The following CFAP299 variants were observed in gnomAD, a reference collection of about 807,000 sequenced individuals.
CFAP299 encodes cilia- and flagella-associated protein 299.
Under a neutral mutation model 27.0 loss-of-function variants are expected in CFAP299, and 21 were observed. That is an observed-to-expected ratio of 0.78 (90% confidence interval 0.55 to 1.12). The LOEUF is 1.12. CFAP299 is among the 50% of genes most tolerant of loss of function. The pLI, the probability that CFAP299 is intolerant of heterozygous loss-of-function variation, is 0.00. For synonymous variants in CFAP299, 104 were observed against 98.1 expected, an observed-to-expected ratio of 1.06 and a Z score of -0.36; for missense variants, 310 against 276.6, an observed-to-expected ratio of 1.12 and a Z score of -0.86.
upstream of CFAP299, among the ~76,000 whole-genome samples, chr4:80,331,441 G>A (rs979828726): frequency 5.3e-5 from 8 of 152,208 alleles, no homozygotes; most frequent in Non-Finnish European, 7.3e-5. Flanking sequence ...GAGGCCAGAA[G>A]AGTATAGGGA....
chr4:80,324,989 G>A, the CFAP299 span, among the ~76,000 whole-genome samples: 3 of 152,152 alleles, frequency 2.0e-5, no homozygotes, highest in Non-Finnish European at 4.4e-5. Flanking sequence ...TGGGCATGGT[G>A]GCACGTGCCT....
intron 2 of CFAP299, among the ~76,000 whole-genome samples, chr4:80,521,701 A>G (rs1732919958): frequency 6.6e-6 from 1 of 152,040 alleles, no homozygotes; most frequent in Non-Finnish European, 1.5e-5. Context: ...AGAGAGTGGA[A>G]TCATACAATA....
chr4:80,376,800 GC>G (rs1266991881), intron 2 of CFAP299, among the ~76,000 whole-genome samples: 5 of 152,060 alleles, frequency 3.3e-5, no homozygotes, highest in Non-Finnish European at 5.9e-5. Flanking sequence ...AATTACAGGT[GC>G]CCGCCACCAC....
In CFAP299 at chr4:80,687,215, G is replaced by A. The variant is rs571658330; in HGVS notation, c.333+104032G>A. Among the ~76,000 whole-genome samples, 8 of 152,176 alleles carry A rather than the reference G, an allele frequency of 5.3e-5. No homozygotes were observed. The South Asian group carries it at 1.2e-3, about 24-fold the overall frequency. On this transcript the variant is annotated intron_variant, in intron 3 of 5. Coordinates refer to ENST00000358105, the MANE Select transcript of CFAP299 (RefSeq NM_152770.3). ...TCTCAATTCAACTTCCCTGGAATGTGCTTCTCTCTTCTTTCTGTTTATTAA... is the reference window on the plus strand; with the variant it reads ...TCTCAATTCAACTTCCCTGGAATGTACTTCTCTCTTCTTTCTGTTTATTAA...
intron 4 of CFAP299, among the ~76,000 whole-genome samples, chr4:80,908,196 G>A (rs551640992): frequency 4.8e-4 from 73 of 152,166 alleles, no homozygotes; most frequent in Non-Finnish European, 8.5e-4. Context: ...AAGTTAGAGC[G>A]TGTGTAATGC....
intron 2 of CFAP299, among the ~76,000 whole-genome samples, chr4:80,415,938 T>C (rs944372508): frequency 1.3e-5 from 2 of 152,222 alleles, no homozygotes; most frequent in African/African-American, 2.4e-5. Context: ...TTCACAAAGC[T>C]ACAGAGCTAT....
At chr4:80,851,943 C>A (rs911744028) in intron 3 of CFAP299, among the ~76,000 whole-genome samples, 1 of 151,938 alleles carries the variant, frequency 6.6e-6, no homozygotes, top group Non-Finnish European at 1.5e-5. Context: ...TATTGATCTG[C>A]GATTGTACTA....
intron 3 of CFAP299, among the ~76,000 whole-genome samples, chr4:80,768,097 G>A (rs1725998123): frequency 6.6e-6 from 1 of 152,164 alleles, no homozygotes. Flanking sequence ...TTTAACAAGT[G>A]CAGTCCAGAG....
At chr4:80,831,850 C>T (rs1399523096) in intron 3 of CFAP299, among the ~76,000 whole-genome samples, 1 of 152,118 alleles carries the variant, frequency 6.6e-6, no homozygotes, top group Admixed American at 6.6e-5. Context: ...CTTCATTGCT[C>T]ATCATTCCTG....
chr4:80,723,062 C>A (rs1722931984), intron 3 of CFAP299, among the ~76,000 whole-genome samples: 1 of 152,126 alleles, frequency 6.6e-6, no homozygotes, highest in Non-Finnish European at 1.5e-5. Flanking sequence ...TACTACATTT[C>A]TATTAAAAAG....
rs772472490 is a variant in CFAP299 at position 80,870,074 on chromosome 4, G to A, written c.415G>A (p.Glu139Lys). The change falls in exon 4 of 6, where the codon GAA becomes AAA. Residue 139 changes from glutamate to lysine, a missense_variant. Transcript: ENST00000358105. ...YIDYAHRLKTEDFEVYFTGKK... is the reference protein window; with the variant it reads ...YIDYAHRLKTKDFEVYFTGKK... ...CGACTATGCCCACAGGCTAAAGACG[G>A]AAGATTTTGAAGTCTACTTTACTGG... 1 of 1,613,790 alleles carries A rather than the reference G, an allele frequency of 6.2e-7. No homozygotes were observed. Among genetic ancestry groups the A allele is most frequent in the East Asian group, 2.2e-5 (1 of 44,862 alleles).
intron 2 of CFAP299, among the ~76,000 whole-genome samples, chr4:80,559,298 G>A (rs1734929164): frequency 7.1e-6 from 1 of 140,930 alleles, no homozygotes. Context: ...AAGCTTTGAG[G>A]ACTTTTTAGT....
At chr4:80,690,288 T>G (rs1408862643) in intron 3 of CFAP299, among the ~76,000 whole-genome samples, 2 of 150,494 alleles carry the variant, frequency 1.3e-5, no homozygotes, top group African/African-American at 2.4e-5. Context: ...ACCACATACT[T>G]GGAAGTAAAG....
intron 2 of CFAP299, among the ~76,000 whole-genome samples, chr4:80,393,483 G>A (rs1249474379): frequency 6.6e-6 from 1 of 152,110 alleles, no homozygotes; most frequent in Non-Finnish European, 1.5e-5. Flanking sequence ...TTCCAGTCCT[G>A]TAAGCCCCAT....
chr4:80,545,066 A>C (rs1401681030), intron 2 of CFAP299, among the ~76,000 whole-genome samples: 1 of 152,196 alleles, frequency 6.6e-6, no homozygotes, highest in Non-Finnish European at 1.5e-5. Flanking sequence ...AGATCTACCA[A>C]AACTGTACAA....
chr4:80,503,870 G>C (rs1731861964), intron 2 of CFAP299, among the ~76,000 whole-genome samples: 1 of 152,088 alleles, frequency 6.6e-6, no homozygotes, highest in African/African-American at 2.4e-5. Flanking sequence ...AGTTGATGGG[G>C]TGGCATTTCC....
intron 2 of CFAP299, among the ~76,000 whole-genome samples, chr4:80,553,039 T>C (rs931355899): frequency 6.6e-6 from 1 of 151,988 alleles, no homozygotes; most frequent in Non-Finnish European, 1.5e-5. Context: ...GGGATACACA[T>C]GAAGGTTTGT....
At chr4:80,784,232 G>A (rs1317834450) in intron 3 of CFAP299, among the ~76,000 whole-genome samples, 1 of 152,092 alleles carries the variant, frequency 6.6e-6, no homozygotes, top group African/African-American at 2.4e-5. Flanking sequence ...AGTCCTTTGT[G>A]TATATACCCA....
chr4:80,951,456 C>T (rs61568501), intron 5 of CFAP299, among the ~76,000 whole-genome samples: 1 of 152,126 alleles, frequency 6.6e-6, no homozygotes, highest in Non-Finnish European at 1.5e-5. Context: ...CACAATTGTT[C>T]AAACATAACA....
Sources: gnomAD v4.1 joint callset for allele counts (sites outside exome capture counted in the v4.1 genomes callset) on GRCh38, gnomAD v4.1.1 for gene constraint, MANE v1.5 for transcripts, NCBI Gene and HGNC (gene_info 2026-07-23, HGNC 2026-07-21) for gene names.